Variants in SMG6 observed in about 807,000 individuals in gnomAD.
SMG6 encodes telomerase-binding protein EST1A.
A neutral mutation model predicts 142.2 loss-of-function variants in SMG6; 66 were observed. The observed-to-expected ratio is 0.46, with a 90% CI of 0.38 to 0.57. The LOEUF (loss-of-function observed/expected upper bound fraction) is 0.57. SMG6 is among the 20% of genes least tolerant of loss of function. The pLI is 0.00. For missense variants in SMG6, 1,793 were observed against 1,832.0 expected (o/e 0.98, Z 0.39); for synonymous variants, 779 against 702.4 (o/e 1.11, Z -1.72).
intron 8 of SMG6, among the ~76,000 whole-genome samples, chr17:2,263,978 T>C (rs1285584255): frequency 1.3e-5 from 2 of 151,924 alleles, no homozygotes; most frequent in Non-Finnish European, 2.9e-5. Context: ...AAAACCAATA[T>C]AGGAAGTTGG....
chr17:2,282,523 G>T, intron 8 of SMG6, 124 bp downstream of exon 8: 1 of 846,620 alleles, frequency 1.2e-6, no homozygotes, highest in Non-Finnish European at 1.9e-6. Flanking sequence ...GACCATCAGG[G>T]AGCCTCAAGT....
At chr17:2,064,660 T>G (rs558001220) in intron 18 of SMG6, among the ~76,000 whole-genome samples, 1 of 151,946 alleles carries the variant, frequency 6.6e-6, no homozygotes, top group East Asian at 1.9e-4. Context: ...GAAAGGGAAG[T>G]GTGCCCCAGG....
chr17:2,260,964 C>G (rs1285294376), intron 8 of SMG6, among the ~76,000 whole-genome samples: 1 of 149,742 alleles, frequency 6.7e-6, no homozygotes. Flanking sequence ...CCATTCCACT[C>G]CAGCCTGGGC....
At chr17:2,082,049 C>A in intron 14 of SMG6, 93 bp from the exon 15 acceptor site, 2 of 1,353,690 alleles carry the variant, frequency 1.5e-6, no homozygotes, top group Non-Finnish European at 2.1e-6. Flanking sequence ...TGGCCCCTCA[C>A]CCACGCAGAC....
At chr17:2,227,993 GA>G (rs1404764645) in intron 10 of SMG6, among the ~76,000 whole-genome samples, 15 of 152,170 alleles carry the variant, frequency 9.9e-5, no homozygotes, top group Non-Finnish European at 2.9e-5. Context: ...AAACCAGGGA[GA>G]AAAGAATATA....
intron 8 of SMG6, among the ~76,000 whole-genome samples, chr17:2,268,229 T>C (rs2074466416): frequency 6.6e-6 from 1 of 152,194 alleles, no homozygotes; most frequent in Non-Finnish European, 1.5e-5. Flanking sequence ...AGCTTCATAA[T>C]GGGTACTGGC....
chr17:2,226,410 C>T (rs2073320292), intron 10 of SMG6, among the ~76,000 whole-genome samples: 1 of 147,814 alleles, frequency 6.8e-6, no homozygotes, highest in South Asian at 2.2e-4. Flanking sequence ...GAAACCCCGT[C>T]TTACTAAATA....
chr17:2,198,444 G>A (rs80314051), intron 10 of SMG6, among the ~76,000 whole-genome samples: 1,856 of 152,256 alleles, frequency 0.012, 27 homozygotes, highest in Non-Finnish European at 0.018. Context: ...GAAGCTACAT[G>A]TGTGATAAAA....
chr17:2,255,724 G>A (rs377289011), intron 8 of SMG6: 47 of 191,336 alleles, frequency 2.5e-4, no homozygotes, highest in East Asian at 2.3e-3. Flanking sequence ...TGACGATGGC[G>A]GTTTTGTGGA....
intron 13 of SMG6, among the ~76,000 whole-genome samples, chr17:2,120,380 G>A (rs2069649572): frequency 6.6e-6 from 1 of 152,194 alleles, no homozygotes; most frequent in South Asian, 2.1e-4. Flanking sequence ...AGGAAGATGT[G>A]AAAAGATCCT....
intron 13 of SMG6, among the ~76,000 whole-genome samples, chr17:2,127,138 C>CAAAAA (rs941523968): frequency 3.9e-5 from 2 of 51,246 alleles, no homozygotes; most frequent in Admixed American, 2.2e-4. Flanking sequence ...GACCTTGTCT[C>CAAAAA]AAAAAAAAAA....
intron 15 of SMG6, among the ~76,000 whole-genome samples, chr17:2,081,199 A>G (rs568589341): frequency 6.6e-6 from 1 of 152,268 alleles, no homozygotes; most frequent in African/African-American, 2.4e-5. Context: ...GCCCTAGAGG[A>G]CAGCAAACGG....
chr17:2,303,516 T>G (rs1316601412), intron 1 of SMG6, 117 bp downstream of exon 1: 112 of 1,332,736 alleles, frequency 8.4e-5, no homozygotes, highest in Non-Finnish European at 1.1e-4. Flanking sequence ...CAGCGCCTAC[T>G]GCTGGGGGAA....
In SMG6 at chr17:2,299,162, G is replaced by C. The variant is rs147602590; in HGVS notation, c.1591C>G (p.Pro531Ala). The C allele has an allele frequency of 1.2e-6, 2 of 1,612,736 alleles. No individual in the cohort carries two copies. Among genetic ancestry groups the C allele is most frequent in the African/African-American group, 2.7e-5 (2 of 74,868 alleles). Residue 531 changes from proline (P) to alanine (A), a missense_variant, in exon 2 of 19, where the codon CCA becomes GCA. Pro to Ala is a conservative substitution (Grantham distance 27, BLOSUM62 -1). Coordinates refer to ENST00000263073, the MANE Select transcript of SMG6 (RefSeq NM_017575.5). This position sits in a 1 kb window ranked among gnomAD's most constrained non-coding sequence, Gnocchi z 4.3. ...PYTGYNPLQY[P>A]VGPTNGVYPG... is the part of the protein sequence containing the mutation. ...TACACACCATTCGTAGGGCCCACTG[G>C]GTACTGTAGAGGGTTATAGCCCGTA...
chr17:2,243,958 C>T (rs1040275080), intron 9 of SMG6, among the ~76,000 whole-genome samples: 2 of 152,116 alleles, frequency 1.3e-5, no homozygotes, highest in African/African-American at 2.4e-5. Context: ...TCTGCTCTGG[C>T]GTGTAGGCAT....
chr17:2,182,611 G>A (rs890075744), intron 12 of SMG6, among the ~76,000 whole-genome samples: 1 of 152,122 alleles, frequency 6.6e-6, no homozygotes, highest in African/African-American at 2.4e-5. Context: ...CCTTCCCTCT[G>A]GAGGTTACCC....
At position 2,068,632 on chromosome 17, in the gene SMG6, G is replaced by A; in HGVS notation, c.3835+146C>T. 2.7e-6 allele frequency: 2 copies of A among 748,286 alleles called. No homozygotes were observed. Among genetic ancestry groups the A allele is most frequent in the Non-Finnish European group, 4.2e-6 (2 of 470,602 alleles). 46.4% of individuals were successfully genotyped at this position (748,286 alleles called of 1,614,324 possible). On this transcript the variant is annotated intron_variant, in intron 16 of 18. Transcript: ENST00000263073. The surrounding 1 kb of genome is among the most constrained non-coding windows in gnomAD (Gnocchi z 6.7). ...CTTTGATTATTAAACAGTTTTCTTT[G>A]CCCCACGCGTTCCCTACTCCCCTGC...
rs146515162 is a variant in SMG6, at chr17:2,081,903, G to A, written c.3588C>T (p.Ser1196=). The change falls in exon 15 of 19, where the codon AGC becomes AGT. Residue 1196 remains serine, a synonymous_variant. Coordinates refer to ENST00000263073, the MANE Select transcript of SMG6 (RefSeq NM_017575.5). ...DFEEDSEAEG[S]GGEDDIRELR... ...GCTCCCTGATGTCATCCTCGCCTCCGCTGCCTTCAGCCTCTGAATCTTCCT... is the reference window on the plus strand; with the variant it reads ...GCTCCCTGATGTCATCCTCGCCTCCACTGCCTTCAGCCTCTGAATCTTCCT... 25 of 1,614,010 alleles carry A rather than the reference G, an allele frequency of 1.5e-5. No individual in the cohort carries two copies. The African/African-American group carries it at 2.3e-4, about 15-fold the overall frequency.
rs745438463 is a variant in SMG6 at position 2,085,925 on chromosome 17, A to T, written c.3358-24T>A. 58 of 1,610,708 alleles carry T rather than the reference A, an allele frequency of 3.6e-5. No homozygotes were observed. In the East Asian group the frequency reaches 1.3e-3, roughly 36 times the overall value. On this transcript the variant is annotated intron_variant, in intron 13 of 18. Coordinates refer to ENST00000263073, the MANE Select transcript of SMG6 (RefSeq NM_017575.5). This position sits in a 1 kb window ranked among gnomAD's most constrained non-coding sequence, Gnocchi z 4.1. The stretch of plus-strand genomic sequence containing the variant: ...ACCTACAGGGTGAGAGGGAGAGAAG[A>T]AAAACAGCATTTTCTGAAAGGGAAG...
Sources: allele counts gnomAD v4.1 joint callset (sites outside exome capture counted in the v4.1 genomes callset), GRCh38; gene constraint gnomAD v4.1.1; non-coding constraint Gnocchi (gnomAD v3.1); transcripts MANE v1.5; gene names NCBI Gene and HGNC (gene_info 2026-07-23, HGNC 2026-07-21).